CCDC175: variants seen among roughly 807,000 people sequenced by gnomAD.
The protein encoded by CCDC175 is coiled-coil domain-containing protein 175.
A neutral mutation model predicts 114.6 loss-of-function variants in CCDC175; 100 were observed. The ratio of observed to expected loss-of-function variants is 0.87; its 90% CI spans 0.74 to 1.03. The LOEUF is 1.03. CCDC175 is among the 50% of genes least tolerant of loss of function. CCDC175 has a pLI of 0.00. For missense variants in CCDC175, 880 were observed against 917.8 expected, an observed-to-expected ratio of 0.96 and a Z score of 0.53; for synonymous variants, 306 against 308.7, an observed-to-expected ratio of 0.99 and a Z score of 0.09.
At chr14:59,575,308 T>C (rs1039334162) in intron 1 of CCDC175, among the ~76,000 whole-genome samples, 2 of 152,134 alleles carry the variant, frequency 1.3e-5, no homozygotes, top group South Asian at 2.1e-4. Context: ...TTTTTTCCTA[T>C]GAAATATGTT....
chr14:59,539,533 T>C (rs1005476220), intron 11 of CCDC175, among the ~76,000 whole-genome samples: 1 of 151,584 alleles, frequency 6.6e-6, no homozygotes, highest in Non-Finnish European at 1.5e-5. Context: ...TGAGCTGAGA[T>C]TGTGCCATTG....
intron 13 of CCDC175, among the ~76,000 whole-genome samples, chr14:59,535,255 C>G (rs1407491179): frequency 1.3e-5 from 2 of 152,114 alleles, no homozygotes; most frequent in Non-Finnish European, 2.9e-5. Flanking sequence ...GGCACACAGC[C>G]TGGCAAGCCG....
chr14:59,511,101 A>G (rs1459443323), intron 18 of CCDC175, among the ~76,000 whole-genome samples: 1 of 152,096 alleles, frequency 6.6e-6, no homozygotes, highest in African/African-American at 2.4e-5. Flanking sequence ...TCAGAGAAGC[A>G]CAGAGCTGAA....
At chr14:59,515,455 TA>T (rs1034114512) in intron 17 of CCDC175, among the ~76,000 whole-genome samples, 2 of 151,898 alleles carry the variant, frequency 1.3e-5, no homozygotes, top group Non-Finnish European at 2.9e-5. Context: ...AGGCTCAAAA[TA>T]AAGGGATGGA....
In CCDC175 at chr14:59,505,546, A is replaced by C. The variant is rs192561787; in HGVS notation, c.2306-231T>G. 3.6e-4 allele frequency: 111 copies of C among 305,098 alleles called. No individual in the cohort carries two copies. The East Asian group carries it at 5.4e-3, about 15-fold the overall frequency. 18.9% of individuals were successfully genotyped at this position (305,098 alleles called of 1,614,324 possible). A position where few individuals can be genotyped will look rare whatever the true frequency, so the allele number is the denominator to read the frequency against. Reference sequence around the variant, plus strand: ...TTTCATATGTCCTGTTCTAGCAGAAAAGTATATATGCAAAAGAAGAAATTA... The same window carrying C: ...TTTCATATGTCCTGTTCTAGCAGAACAGTATATATGCAAAAGAAGAAATTA... On this transcript the variant is annotated intron_variant, in intron 19 of 19. Coordinates refer to ENST00000537690, the MANE Select transcript of CCDC175 (RefSeq NM_001164399.2).
At chr14:59,571,849 G>T (rs1012402697) in intron 3 of CCDC175, among the ~76,000 whole-genome samples, 21 of 152,136 alleles carry the variant, frequency 1.4e-4, no homozygotes, top group African/African-American at 5.1e-4. Context: ...CAGGCACTTG[G>T]ATACAGGTGG....
chr14:59,537,699 T>G (rs1894484734), intron 13 of CCDC175, among the ~76,000 whole-genome samples: 1 of 152,180 alleles, frequency 6.6e-6, no homozygotes. Flanking sequence ...CATCTGAGAC[T>G]GACTTTACTA....
chr14:59,508,399 T>TACACACACACACACACACACACAC (rs71451066), intron 19 of CCDC175, among the ~76,000 whole-genome samples: 5,111 of 97,210 alleles, frequency 0.053, 453 homozygotes, highest in African/African-American at 0.077. Flanking sequence ...GTCTCCAAAA[T>TACACACACACACACACACACACAC]ACACACACAC....
At chr14:59,537,170 C>A (rs1894450733) in intron 13 of CCDC175, among the ~76,000 whole-genome samples, 1 of 152,102 alleles carries the variant, frequency 6.6e-6, no homozygotes, top group African/African-American at 2.4e-5. Context: ...AGTAGTTTTT[C>A]TCCTAGTATT....
At chr14:59,545,365 C>G in intron 8 of CCDC175, 66 bp from the exon 9 acceptor site, 1 of 1,451,594 alleles carries the variant, frequency 6.9e-7, no homozygotes, top group Non-Finnish European at 9.2e-7. Flanking sequence ...CCATCTGCAT[C>G]AGGTGGCAAC....
chr14:59,512,802 A>AGG (rs1216324184), intron 17 of CCDC175, among the ~76,000 whole-genome samples: 7 of 118,564 alleles, frequency 5.9e-5, no homozygotes, highest in Admixed American at 3.0e-4. Flanking sequence ...AGATCTCAGC[A>AGG]GGGGTGTGTG....
chr14:59,553,265 C>A (rs1013793029), intron 7 of CCDC175, among the ~76,000 whole-genome samples: 10 of 152,328 alleles, frequency 6.6e-5, no homozygotes, highest in Admixed American at 5.9e-4. Flanking sequence ...CAGCTGATCT[C>A]TCAGCAGAAA....
chr14:59,530,979 G>T (rs1018413532), intron 14 of CCDC175, among the ~76,000 whole-genome samples: 4 of 151,986 alleles, frequency 2.6e-5, no homozygotes, highest in African/African-American at 9.7e-5. Context: ...CTCACCAAAT[G>T]CAATACAAGA....
chr14:59,572,669 C>G (rs1306445014), intron 3 of CCDC175, 33 bp downstream of exon 3: 2 of 1,188,646 alleles, frequency 1.7e-6, no homozygotes, highest in Non-Finnish European at 2.3e-6. Context: ...ATAAGATCAA[C>G]TAAATTTCTA....
At chr14:59,508,411 C>CACACACACACACACAA (rs1407350838) in intron 19 of CCDC175, among the ~76,000 whole-genome samples, 55 of 147,140 alleles carry the variant, frequency 3.7e-4, no homozygotes, top group African/African-American at 1.4e-3. Flanking sequence ...CACACACACA[C>CACACACACACACACAA]ACACACACAC....
At position 59,545,094 on chromosome 14, in the gene CCDC175, C is replaced by A. The variant is rs912535680; in HGVS notation, c.1172+69G>T. ...AGGATAAGTTTAAGTGGAGAGCCAC[C>A]ACTTTGATAGCAAGAAAAGCACCCC... On this transcript the variant is annotated intron_variant, in intron 9 of 19. Coordinates refer to ENST00000537690, the MANE Select transcript of CCDC175 (RefSeq NM_001164399.2). 3.6e-6 allele frequency: 5 copies of A among 1,396,338 alleles called. No individual in the cohort carries two copies. In the African/African-American group the frequency reaches 7.3e-5, roughly 20 times the overall value. 86.5% of individuals were successfully genotyped at this position (1,396,338 alleles called of 1,614,324 possible).
At chr14:59,562,530 C>CG (rs1230554538) in intron 6 of CCDC175, among the ~76,000 whole-genome samples, 1 of 152,182 alleles carries the variant, frequency 6.6e-6, no homozygotes, top group Non-Finnish European at 1.5e-5. Context: ...TTGAACGCAG[C>CG]TCTGTGTGAG....
Position 59,545,263 on chromosome 14 carries a change from T to C in CCDC175, c.1072A>G (p.Lys358Glu). 3.9e-6 allele frequency: 6 copies of C among 1,536,962 alleles called. No individual in the cohort carries two copies. The highest frequency in any genetic ancestry group is 5.2e-6 in the Non-Finnish European group (6 of 1,146,692). Reference protein sequence around the residue: ...ETLHAARMEYKDLREKMKTLA... With the variant: ...ETLHAARMEYEDLREKMKTLA... ...GTTTTCATTTTCTCTCGTAGGTCTT[T>C]GTATTCCATACGAGCAGCATGCAGT... The change falls in exon 9 of 20, where the codon AAA becomes GAA. Residue 358 changes from lysine (K) to glutamate (E), a missense_variant. Coordinates refer to ENST00000537690, the MANE Select transcript of CCDC175 (RefSeq NM_001164399.2).
At position 59,531,878 on chromosome 14, in the gene CCDC175, T is replaced by C. The variant is rs1894094123; in HGVS notation, c.1656A>G (p.Lys552=). Residue 552 remains lysine (K), a synonymous_variant, in exon 14 of 20, where the codon AAA becomes AAG. Transcript: ENST00000537690. Reference sequence around the variant, plus strand: ...ACTCAACTAGTTCTTCTTCCTTTTCTTTGTTAATTTGTGTTTCCTTAACAA... The same window carrying C: ...ACTCAACTAGTTCTTCTTCCTTTTCCTTGTTAATTTGTGTTTCCTTAACAA... ...EIFVKETQIN[K]EKEEELVEYL... The C allele has an allele frequency of 7.9e-7, 1 of 1,263,168 alleles. No homozygotes were observed. The allele number at this position is 1,263,168 out of a possible 1,614,324, so 78.2% of individuals were successfully genotyped here. A position where few individuals can be genotyped will look rare whatever the true frequency, so the allele number is the denominator to read the frequency against.
Sources: allele counts gnomAD v4.1 joint callset (sites outside exome capture counted in the v4.1 genomes callset), GRCh38; gene constraint gnomAD v4.1.1; transcripts MANE v1.5; gene names NCBI Gene and HGNC (gene_info 2026-07-23, HGNC 2026-07-21).